Variants in SPATA18 observed in about 807,000 individuals in gnomAD.
SPATA18 encodes the protein mitochondria-eating protein.
SPATA18 carries 54 observed loss-of-function variants against 68.1 expected under a neutral mutation model. The observed-to-expected ratio is 0.79, with a 90% CI of 0.64 to 0.99. The LOEUF is 0.99. Ranked by LOEUF, SPATA18 falls within the 50% of genes least tolerant of loss-of-function variation. SPATA18 has a pLI of 0.00. For missense variants in SPATA18, 724 were observed against 681.1 expected, an observed-to-expected ratio of 1.06 and a Z score of -0.70; for synonymous variants, 242 against 244.8, an observed-to-expected ratio of 0.99 and a Z score of 0.11.
chr4:52,055,855 T>C (rs968475592), intron 1 of SPATA18, among the ~76,000 whole-genome samples: 4 of 152,182 alleles, frequency 2.6e-5, no homozygotes, highest in Admixed American at 6.5e-5. Context: ...TTGCATTTAT[T>C]TTCGTGTTTA....
At chr4:52,090,241 C>G (rs1196933048) in intron 11 of SPATA18, among the ~76,000 whole-genome samples, 2 of 152,094 alleles carry the variant, frequency 1.3e-5, no homozygotes, top group East Asian at 3.8e-4. Context: ...TCCAGTTTGC[C>G]AGTCTGTGTC....
chr4:52,063,399 C>T (rs1275476565), intron 4 of SPATA18, among the ~76,000 whole-genome samples: 5 of 152,166 alleles, frequency 3.3e-5, no homozygotes, highest in African/African-American at 1.2e-4. Context: ...TTTCTTTGTG[C>T]CTGCACCTCC....
intron 1 of SPATA18, among the ~76,000 whole-genome samples, chr4:52,058,484 G>T (rs1366683859): frequency 6.6e-6 from 1 of 152,092 alleles, no homozygotes; most frequent in Non-Finnish European, 1.5e-5. Flanking sequence ...AGGTCAACTT[G>T]CCCTGCCAAC....
chr4:52,083,835 G>A (rs1262830992), intron 10 of SPATA18, among the ~76,000 whole-genome samples: 2 of 150,900 alleles, frequency 1.3e-5, no homozygotes, highest in African/African-American at 4.9e-5. Flanking sequence ...CCGCCTCCCA[G>A]GTTCAAGCGA....
At chr4:52,055,260 T>C (rs1738236487) in intron 1 of SPATA18, among the ~76,000 whole-genome samples, 1 of 152,206 alleles carries the variant, frequency 6.6e-6, no homozygotes, top group South Asian at 2.1e-4. Flanking sequence ...AGTTTACTTA[T>C]TTCAGTTCTA....
intron 6 of SPATA18, among the ~76,000 whole-genome samples, chr4:52,075,078 G>T (rs1197296949): frequency 2.0e-5 from 3 of 152,124 alleles, no homozygotes; most frequent in Non-Finnish European, 4.4e-5. Flanking sequence ...TGTTGGTGAG[G>T]TTGTGGCTGT....
At chr4:52,052,235 A>C (rs1161630625) in intron 1 of SPATA18, among the ~76,000 whole-genome samples, 5 of 152,224 alleles carry the variant, frequency 3.3e-5, no homozygotes, top group Non-Finnish European at 7.3e-5. Flanking sequence ...GGTTTGTATC[A>C]GAATGGATTT....
intron 4 of SPATA18, among the ~76,000 whole-genome samples, chr4:52,068,471 A>G (rs1313610362): frequency 6.6e-6 from 1 of 152,222 alleles, no homozygotes. Context: ...GAGAAGGGGA[A>G]ACAAAGTTTT....
chr4:52,086,626 T>C (rs956826551), intron 11 of SPATA18, among the ~76,000 whole-genome samples: 2 of 152,232 alleles, frequency 1.3e-5, no homozygotes, highest in Non-Finnish European at 2.9e-5. Flanking sequence ...TAGTATTCCA[T>C]GGTGTATATG....
chr4:52,084,792 A>C, intron 10 of SPATA18, 124 bp from the exon 11 acceptor site: 1 of 852,290 alleles, frequency 1.2e-6, no homozygotes, highest in Non-Finnish European at 1.9e-6. Context: ...GCAGATGATC[A>C]GTAATGGGCA....
At chr4:52,062,810 G>A (rs756458666) in intron 4 of SPATA18, among the ~76,000 whole-genome samples, 9 of 152,212 alleles carry the variant, frequency 5.9e-5, no homozygotes, top group Non-Finnish European at 1.2e-4. Flanking sequence ...ATTTAGGGGT[G>A]TATGTGTGCT....
chr4:52,072,149 C>G lies in SPATA18; in HGVS notation c.751C>G (p.Gln251Glu). The change falls in exon 6 of 13, where the codon CAA becomes GAA. Residue 251 changes from glutamine (Q) to glutamate (E), a missense_variant. Coordinates refer to ENST00000295213, the MANE Select transcript of SPATA18 (RefSeq NM_145263.4). ...TCTGTCTGCTGAGAAAAGTGCACTCCAAGGAAGGTCAGACAAACTCTCAAA... is the reference window on the plus strand; with the variant it reads ...TCTGTCTGCTGAGAAAAGTGCACTCGAAGGAAGGTCAGACAAACTCTCAAA... ...AVLSAEKSAL[Q>E]GRSSRSRSPS... 1 of 1,613,816 alleles carries G rather than the reference C, an allele frequency of 6.2e-7. No individual in the cohort carries two copies. Among genetic ancestry groups the G allele is most frequent in the Non-Finnish European group, 8.5e-7 (1 of 1,179,910 alleles).
chr4:52,083,608 C>T (rs778877350), intron 10 of SPATA18: 2 of 388,802 alleles, frequency 5.1e-6, no homozygotes, highest in Admixed American at 6.4e-5. Flanking sequence ...AGCTGGGCAT[C>T]GTGGTGCATA....
rs1339033872 is a variant in SPATA18 at position 52,071,928 on chromosome 4, T to G, written c.530T>G (p.Leu177Arg). The change falls in exon 6 of 13, where the codon CTT becomes CGT. Residue 177 changes from leucine to arginine, a missense_variant. By Grantham distance (102) the Leu-to-Arg change is moderately radical (BLOSUM62 -2). Transcript: ENST00000295213. ...INQLKKQLKS[L>R]QAQEDARHRN... ...TCTTTGCTGTTCAGGCTTAAATCTCTTCAAGCTCAGGAGGATGCCCGCCAC... is the reference window on the plus strand; with the variant it reads ...TCTTTGCTGTTCAGGCTTAAATCTCGTCAAGCTCAGGAGGATGCCCGCCAC... 51 of 1,613,484 alleles carry G rather than the reference T, an allele frequency of 3.2e-5. No homozygotes were observed. The highest frequency in any genetic ancestry group is 4.2e-5 in the Non-Finnish European group (50 of 1,179,996).
intron 11 of SPATA18, among the ~76,000 whole-genome samples, chr4:52,090,980 G>C (rs1000841878): frequency 1.3e-5 from 2 of 151,882 alleles, no homozygotes; most frequent in African/African-American, 4.8e-5. Context: ...TGGAGGCTTT[G>C]TTTGTTCCTT....
rs1303037662 is a variant in SPATA18, at chr4:52,097,220, A to G, written c.*2333A>G. On this transcript the variant is annotated 3_prime_UTR_variant, in exon 13 of 13. Transcript: ENST00000295213. ...TGTTAGTTTCTAGATTTTCGGCTTAACATCTAATAATAACATTTAAAAAGT... is the reference window on the plus strand; with the variant it reads ...TGTTAGTTTCTAGATTTTCGGCTTAGCATCTAATAATAACATTTAAAAAGT... The G allele has an allele frequency of 6.6e-6, 1 of 152,192 alleles. No individual in the cohort carries two copies. Among genetic ancestry groups the G allele is most frequent in the South Asian group, 2.1e-4 (1 of 4,834 alleles). 9.4% of individuals were successfully genotyped at this position (152,192 alleles called of 1,614,324 possible).
At chr4:52,070,411 G>A (rs529829467) in intron 5 of SPATA18, among the ~76,000 whole-genome samples, 3 of 152,032 alleles carry the variant, frequency 2.0e-5, no homozygotes, top group Non-Finnish European at 4.4e-5. Flanking sequence ...TAATTTTTGT[G>A]GAAAAATATC....
At chr4:52,094,434 T>C (rs1358910527) in intron 11 of SPATA18, 93 bp from the exon 12 acceptor site, 1 of 1,181,194 alleles carries the variant, frequency 8.5e-7, no homozygotes, top group East Asian at 2.4e-5. Flanking sequence ...GAAAGCTATT[T>C]GGTTGGTTTT....
intron 11 of SPATA18, among the ~76,000 whole-genome samples, chr4:52,091,109 G>A (rs1214304051): frequency 2.6e-5 from 4 of 151,694 alleles, no homozygotes; most frequent in Non-Finnish European, 4.4e-5. Flanking sequence ...TATTCCTCAC[G>A]AAGTTCTTGT....
Sources: allele counts gnomAD v4.1 joint callset (sites outside exome capture counted in the v4.1 genomes callset), GRCh38; gene constraint gnomAD v4.1.1; transcripts MANE v1.5; gene names NCBI Gene and HGNC (gene_info 2026-07-23, HGNC 2026-07-21).